BLTP1: variants seen among roughly 807,000 people sequenced by gnomAD.
The protein encoded by BLTP1 is bridge-like lipid transfer protein family member 1.
At chr4:122,274,469 ATAGTTT>A in the BLTP1 span, 4 of 1,574,904 alleles carry the variant, frequency 2.5e-6, no homozygotes, top group Non-Finnish European at 3.4e-6. Flanking sequence ...TCTTACACTT[ATAGTTT>A]TAGACAAAAA....
At chr4:122,269,325 A>G in the BLTP1 span, 2 of 784,162 alleles carry the variant, frequency 2.6e-6, no homozygotes, top group Non-Finnish European at 3.1e-6. Context: ...TTGGCCTAGT[A>G]AAAACCATAT....
At chr4:122,273,182 T>C in the BLTP1 span, 118 of 948,810 alleles carry the variant, frequency 1.2e-4, no homozygotes, top group Admixed American at 4.9e-4. Context: ...TGTGTTTTTA[T>C]TGTTAACTTT....
At chr4:122,270,946 A>G in the BLTP1 span, 3 of 1,461,656 alleles carry the variant, frequency 2.1e-6, no homozygotes, top group South Asian at 2.9e-5. Context: ...TTTTGCCTAT[A>G]AATTAATAAA....
At chr4:122,331,540 A>C in the BLTP1 span, 1 of 1,609,760 alleles carries the variant, frequency 6.2e-7, no homozygotes, top group Non-Finnish European at 8.5e-7. Context: ...AAGTTTGAGA[A>C]GGTAAGAAAT....
At chr4:122,272,382 T>G in the BLTP1 span, 247 of 1,612,556 alleles carry the variant, frequency 1.5e-4, no homozygotes, top group Non-Finnish European at 2.0e-4. Flanking sequence ...CATGGCAGTT[T>G]TACTCTTAAG....
chr4:122,299,788 G>T, the BLTP1 span: 1 of 984,536 alleles, frequency 1.0e-6, no homozygotes, highest in East Asian at 1.1e-4. Context: ...GGTTATCAAT[G>T]ATGAGGCTTA....
the BLTP1 span, among the ~76,000 whole-genome samples, chr4:122,259,207 A>T: frequency 6.6e-6 from 1 of 152,130 alleles, no homozygotes; most frequent in African/African-American, 2.4e-5. Flanking sequence ...TTATGATTTT[A>T]ATTTTTTTGG....
At chr4:122,184,834 T>A in the BLTP1 span, 1 of 985,356 alleles carries the variant, frequency 1.0e-6, no homozygotes, top group Non-Finnish European at 1.2e-6. Flanking sequence ...AAACTTAGCC[T>A]TTGTTCAAAC....
the BLTP1 span, chr4:122,162,720 T>G: frequency 1.1e-6 from 1 of 915,100 alleles, no homozygotes; most frequent in African/African-American, 2.0e-5. Context: ...GGTAATGGGG[T>G]TATAACAACA....
the BLTP1 span, chr4:122,289,050 G>T: frequency 1.6e-5 from 25 of 1,582,344 alleles, no homozygotes; most frequent in Non-Finnish European, 2.1e-5. Flanking sequence ...TAAAGCTAAT[G>T]TAATCAGTGT....
the BLTP1 span, chr4:122,247,689 T>C: frequency 9.6e-7 from 1 of 1,044,874 alleles, no homozygotes; most frequent in South Asian, 3.6e-5. Flanking sequence ...TTATAGTCTT[T>C]CTTATTTTTT....
chr4:122,238,951 A>C, the BLTP1 span, among the ~76,000 whole-genome samples: 2 of 152,174 alleles, frequency 1.3e-5, no homozygotes, highest in African/African-American at 4.8e-5. Flanking sequence ...TTTAAATGTA[A>C]AACTCCAGCC....
the BLTP1 span, chr4:122,219,074 T>G: frequency 2.3e-6 from 2 of 859,276 alleles, no homozygotes; most frequent in Non-Finnish European, 2.8e-6. Flanking sequence ...TTACAAGGTT[T>G]TGCTGTAATT....
At chr4:122,175,534 C>T in the BLTP1 span, among the ~76,000 whole-genome samples, 648 of 152,108 alleles carry the variant, frequency 4.3e-3, 2 homozygotes, top group African/African-American at 0.013. Flanking sequence ...TTTCTGTTAG[C>T]GCTTCATTTT....
the BLTP1 span, chr4:122,301,224 A>ATT: frequency 2.3e-6 from 3 of 1,292,672 alleles, no homozygotes; most frequent in Non-Finnish European, 2.1e-6. Flanking sequence ...TTTTGTGAGG[A>ATT]TTTTTTTTTA....
chr4:122,247,264 A>C, the BLTP1 span: 1 of 1,613,596 alleles, frequency 6.2e-7, no homozygotes, highest in Non-Finnish European at 8.5e-7. Context: ...TGGATCTCTC[A>C]GATCAAATGC....
chr4:122,248,406 T>C, the BLTP1 span, among the ~76,000 whole-genome samples: 3 of 152,022 alleles, frequency 2.0e-5, no homozygotes, highest in Non-Finnish European at 4.4e-5. Context: ...GACATTTCTG[T>C]AAAAATGTAG....
the BLTP1 span, chr4:122,188,159 T>A: frequency 7.8e-7 from 1 of 1,289,354 alleles, no homozygotes; most frequent in South Asian, 2.1e-5. Context: ...AACTTTAACA[T>A]CCTTTTACTT....
At chr4:122,318,538 A>G in the BLTP1 span, among the ~76,000 whole-genome samples, 4 of 152,200 alleles carry the variant, frequency 2.6e-5, no homozygotes, top group Non-Finnish European at 5.9e-5. Context: ...TCGATAGTCT[A>G]TGCCCTTAGA....
Sources: allele counts gnomAD v4.1 joint callset (sites outside exome capture counted in the v4.1 genomes callset), GRCh38; gene constraint gnomAD v4.1.1; transcripts MANE v1.5; gene names NCBI Gene and HGNC (gene_info 2026-07-23, HGNC 2026-07-21).